Variants in MAG observed in about 807,000 individuals in gnomAD.
MAG encodes myelin associated glycoprotein, also known as myelin-associated glycoprotein.
MAG carries 30 observed loss-of-function variants against 60.7 expected under a neutral mutation model. The ratio of observed to expected loss-of-function variants is 0.49; its 90% CI spans 0.37 to 0.67. The LOEUF is 0.67. Ranked by LOEUF, MAG falls within the 30% of genes least tolerant of loss-of-function variation. MAG has a pLI of 0.00. For synonymous variants in MAG, 384 were observed against 376.8 expected (o/e 1.02, Z -0.22); for missense variants, 795 against 851.7 (o/e 0.93, Z 0.83).
intron 8 of MAG, 33 bp downstream of exon 8, chr19:35,310,194 G>A: frequency 4.4e-6 from 7 of 1,580,472 alleles, no homozygotes; most frequent in Non-Finnish European, 6.0e-6. Flanking sequence ...GGGAGCCACA[G>A]GAGGGAGCGG....
rs770163363 is a variant in MAG, at chr19:35,299,550, A to G, written c.416-4A>G. The G allele has an allele frequency of 4.4e-6, 7 of 1,578,902 alleles. No individual in the cohort carries two copies. The highest frequency in any genetic ancestry group is 2.7e-5 in the African/African-American group (2 of 74,216). On this transcript the variant is annotated splice_polypyrimidine_tract_variant and splice_region_variant and intron_variant, in intron 4 of 10. Transcript: ENST00000392213. ...TCAGCCCTCCCTTTCCCCGCCTCGT[A>G]TAGACACCCCCAACATCGTGGTGCC...
rs1351305277 is a variant in MAG, at chr19:35,313,560, G to C, written c.*106G>C. On this transcript the variant is annotated 3_prime_UTR_variant, in exon 11 of 11. Transcript: ENST00000392213. The stretch of plus-strand genomic sequence containing the variant: ...AAAAGTATCGGGGGCTGGGGCAGGA[G>C]GGGAGTGAGGCAGGTGACAGTGAGG... 1 of 1,206,356 alleles carries C rather than the reference G, an allele frequency of 8.3e-7. No individual in the cohort carries two copies. Among genetic ancestry groups the C allele is most frequent in the Non-Finnish European group, 1.1e-6 (1 of 885,584 alleles). The allele number at this position is 1,206,356 out of a possible 1,614,324, so 74.7% of individuals were successfully genotyped here.
Position 35,295,837 on chromosome 19 carries a change from C to T in MAG, c.271C>T (p.Leu91Phe). 2 of 1,614,036 alleles carry T rather than the reference C, an allele frequency of 1.2e-6. No individual in the cohort carries two copies. The highest frequency in any genetic ancestry group is 1.7e-6 in the Non-Finnish European group (2 of 1,180,044). Residue 91 changes from leucine to phenylalanine, a missense_variant, in exon 4 of 11, where the codon CTC becomes TTC. Leu to Phe is a conservative substitution (Grantham distance 22, BLOSUM62 0). Transcript: ENST00000392213. The surrounding 1 kb of genome is among the most constrained non-coding windows in gnomAD (Gnocchi z 5.8). ...CGAGAGCTTCCAGGGCCGCAGCCGC[C>T]TCCTGGGGGACCTGGGCCTGCGAAA... Reference protein sequence around the residue: ...VHESFQGRSRLLGDLGLRNCT... With the variant: ...VHESFQGRSRFLGDLGLRNCT...
rs116643737 is a variant in MAG at position 35,313,372 on chromosome 19, C to G, written c.1799C>G (p.Ser600Trp). 1 of 1,614,140 alleles carries G rather than the reference C, an allele frequency of 6.2e-7. No individual in the cohort carries two copies. Among genetic ancestry groups the G allele is most frequent in the Non-Finnish European group, 8.5e-7 (1 of 1,180,018 alleles). Residue 600 changes from serine to tryptophan, a missense_variant, in exon 11 of 11, where the codon TCG (serine) becomes TGG (tryptophan). Ser to Trp is a radical substitution (Grantham distance 177). Transcript: ENST00000392213. ...GAGCTGGACCTGAGCTATTCTCACT[C>G]GGACCTGGGGAAACGGCCCACCAAG... ...PPELDLSYSH[S>W]DLGKRPTKDS...
Position 35,295,418 on chromosome 19 carries a change from C to T in MAG, c.10C>T (p.Leu4Phe). The T allele has an allele frequency of 6.2e-7, 1 of 1,614,026 alleles. No individual in the cohort carries two copies. Among genetic ancestry groups the T allele is most frequent in the Non-Finnish European group, 8.5e-7 (1 of 1,180,018 alleles). Residue 4 changes from leucine (L) to phenylalanine (F), a missense_variant, in exon 3 of 11, where the codon CTC becomes TTC. Transcript: ENST00000392213. The surrounding 1 kb of genome is among the most constrained non-coding windows in gnomAD (Gnocchi z 5.8). MIF[L>F]TALPLFWIMI... ...TCACTCGCTGTACAGAATGATATTC[C>T]TCACGGCACTGCCTCTGTTCTGGAT...
chr19:35,307,601 C>A (rs557263721), intron 7 of MAG, among the ~76,000 whole-genome samples: 30 of 152,332 alleles, frequency 2.0e-4, no homozygotes, highest in African/African-American at 6.7e-4. Flanking sequence ...GCAGGACAAT[C>A]ACTTGAACCT....
chr19:35,292,707 G>T (rs1424633300), intron 1 of MAG, among the ~76,000 whole-genome samples: 1 of 151,918 alleles, frequency 6.6e-6, no homozygotes, highest in Non-Finnish European at 1.5e-5. Context: ...ACCTTCCTCT[G>T]TAAGCCTCAG....
chr19:35,304,792 G>A (rs766377128), intron 7 of MAG, among the ~76,000 whole-genome samples: 7 of 151,954 alleles, frequency 4.6e-5, no homozygotes, highest in Non-Finnish European at 7.4e-5. Context: ...CACCCGCCTC[G>A]GCCTCCCAAA....
In MAG at chr19:35,313,641, C is replaced by T. The variant is rs925069914; in HGVS notation, c.*187C>T. 4.8e-5 allele frequency: 28 copies of T among 585,620 alleles called. No individual in the cohort carries two copies. Among genetic ancestry groups the T allele is most frequent in the Non-Finnish European group, 7.9e-5 (26 of 330,882 alleles). 36.3% of individuals were successfully genotyped at this position (585,620 alleles called of 1,614,324 possible). On this transcript the variant is annotated 3_prime_UTR_variant, in exon 11 of 11. Coordinates refer to ENST00000392213, the MANE Select transcript of MAG (RefSeq NM_002361.4). ...AGCTGCCCCTCCCTGCCAGCACCCC[C>T]ACGCCCTCATTACGGCTCCTCTCTA...
chr19:35,309,595 A>G (rs1034939904), intron 7 of MAG, among the ~76,000 whole-genome samples: 1 of 152,080 alleles, frequency 6.6e-6, no homozygotes, highest in Non-Finnish European at 1.5e-5. Flanking sequence ...CAGTGTTTTG[A>G]GCAACAACCT....
rs1354974489 is a variant in MAG, at chr19:35,293,709, C to A, written c.-79-526C>A. Among the ~76,000 whole-genome samples the A allele has an allele frequency of 6.6e-6, 1 of 152,044 alleles. No individual in the cohort carries two copies. Among genetic ancestry groups the A allele is most frequent in the East Asian group, 1.9e-4 (1 of 5,162 alleles). On this transcript the variant is annotated intron_variant, in intron 1 of 10. Transcript: ENST00000392213. The surrounding 1 kb of genome is among the most constrained non-coding windows in gnomAD (Gnocchi z 4.0). ...AAAGGCCAGCCAGGAGTGCCTGACC[C>A]CTTTCTTACTCCCCACTTACCCTGA... is the stretch of plus-strand genomic sequence containing the variant.
chr19:35,311,982 G>A lies in MAG; in HGVS notation c.1681G>A (p.Asp561Asn), dbSNP rs201165241. ...GDNPPVLFSS[D>N]FRISGAPEKY... Reference sequence around the variant, plus strand: ...CAACCCTCCCGTCCTGTTCAGCAGCGACTTCCGCATCTCTGGGGCACCAGA... The same window carrying A: ...CAACCCTCCCGTCCTGTTCAGCAGCAACTTCCGCATCTCTGGGGCACCAGA... Residue 561 changes from aspartate to asparagine, a missense_variant, in exon 10 of 11, where the codon GAC becomes AAC. Transcript: ENST00000392213. The A allele has an allele frequency of 2.4e-5, 38 of 1,613,156 alleles. No homozygotes were observed. The highest frequency in any genetic ancestry group is 5.0e-5 in the Admixed American group (3 of 59,930).
At position 35,300,064 on chromosome 19, in the gene MAG, T is replaced by A. The variant is rs886440173; in HGVS notation, c.713-83T>A. On this transcript the variant is annotated intron_variant, in intron 5 of 10. Coordinates refer to ENST00000392213, the MANE Select transcript of MAG (RefSeq NM_002361.4). ...GGCTGAGGGCGGGGCCGGACAGTGT[T>A]GGGGGCGGGGCCGGGCTGGGAGAGG... is the stretch of plus-strand genomic sequence containing the variant. The A allele has an allele frequency of 2.6e-5, 25 of 965,282 alleles. No individual in the cohort carries two copies. The African/African-American group carries it at 7.7e-4, about 30-fold the overall frequency. 59.8% of individuals were successfully genotyped at this position (965,282 alleles called of 1,614,324 possible).
intron 6 of MAG, among the ~76,000 whole-genome samples, chr19:35,301,633 T>C (rs977416570): frequency 2.0e-5 from 3 of 152,146 alleles, no homozygotes; most frequent in Non-Finnish European, 2.9e-5. Context: ...GGTTTCACCA[T>C]GTTGGCCAGA....
intron 10 of MAG, 131 bp from the exon 11 acceptor site, chr19:35,313,159 T>G: frequency 1.7e-5 from 17 of 990,600 alleles, no homozygotes; most frequent in Non-Finnish European, 2.3e-5. Context: ...CTGCGGTCCT[T>G]GAGAAAGGAG....
chr19:35,313,569 G>A lies in MAG; in HGVS notation c.*115G>A, dbSNP rs934512847. 3.5e-6 allele frequency: 4 copies of A among 1,129,582 alleles called. No individual in the cohort carries two copies. Among genetic ancestry groups the A allele is most frequent in the Non-Finnish European group, 4.9e-6 (4 of 818,504 alleles). The allele number at this position is 1,129,582 out of a possible 1,614,324, so 70.0% of individuals were successfully genotyped here. On this transcript the variant is annotated 3_prime_UTR_variant, in exon 11 of 11. Coordinates refer to ENST00000392213, the MANE Select transcript of MAG (RefSeq NM_002361.4). ...GGGGGCTGGGGCAGGAGGGGAGTGA[G>A]GCAGGTGACAGTGAGGTCCTGGGGG...
In MAG at chr19:35,302,489, G is replaced by C. The variant is rs201757442; in HGVS notation, c.1012G>C (p.Val338Leu). Residue 338 changes from valine to leucine, a missense_variant, in exon 7 of 11, where the codon GTA becomes CTA. Transcript: ENST00000392213. ...KPTVNGTMVA[V>L]EGETVSILCS... Reference sequence around the variant, plus strand: ...AACAGTGAACGGGACAATGGTGGCCGTAGAGGGGGAGACGGTCTCTATCTT... The same window carrying C: ...AACAGTGAACGGGACAATGGTGGCCCTAGAGGGGGAGACGGTCTCTATCTT... The C allele has an allele frequency of 5.6e-6, 9 of 1,614,062 alleles. No individual in the cohort carries two copies. The highest frequency in any genetic ancestry group is 7.6e-6 in the Non-Finnish European group (9 of 1,180,052).
At position 35,300,171 on chromosome 19, in the gene MAG, ACTC is replaced by A; in HGVS notation, c.741_743del (p.Ser248del). 6.5e-7 allele frequency: 1 copy of A among 1,544,638 alleles called. No homozygotes were observed. The highest frequency in any genetic ancestry group is 2.3e-5 in the East Asian group (1 of 43,624). On this transcript the variant is annotated inframe_deletion, in exon 6 of 11. Transcript: ENST00000392213. Reference sequence around the variant, plus strand: ...GACCCCCCGGTGATTGTGGAGATGAACTCCTCGGTGGAGGCCATCGAGGGCTCC... The same window carrying A: ...GACCCCCCGGTGATTGTGGAGATGAACTCGGTGGAGGCCATCGAGGGCTCC...
chr19:35,296,476 T>C (rs975453292), intron 4 of MAG, among the ~76,000 whole-genome samples: 13 of 152,228 alleles, frequency 8.5e-5, no homozygotes, highest in African/African-American at 3.1e-4. Context: ...GTTCTGAATT[T>C]TCAAGATAAA....
Sources: allele counts gnomAD v4.1 joint callset (sites outside exome capture counted in the v4.1 genomes callset), GRCh38; gene constraint gnomAD v4.1.1; non-coding constraint Gnocchi (gnomAD v3.1); transcripts MANE v1.5; gene names NCBI Gene and HGNC (gene_info 2026-07-23, HGNC 2026-07-21).